Variants in NBPF11 observed in about 807,000 individuals in gnomAD.
NBPF11 encodes the protein NBPF family member NBPF11.
A neutral mutation model predicts 93.9 loss-of-function variants in NBPF11; 72 were observed. The observed-to-expected ratio is 0.77, with a 90% CI of 0.63 to 0.93. The LOEUF is 0.93. Ranked by LOEUF, NBPF11 falls within the 40% of genes least tolerant of loss-of-function variation. The probability of loss-of-function intolerance (pLI) is 0.00; values close to 1 mark genes in which losing one functional copy is unlikely to be tolerated. For missense variants in NBPF11, 705 were observed against 802.2 expected, an observed-to-expected ratio of 0.88 and a Z score of 1.46; for synonymous variants, 224 against 304.9, an observed-to-expected ratio of 0.73 and a Z score of 2.76.
At chr1:148,131,323 G>A (rs1302078721) in intron 4 of NBPF11, among the ~76,000 whole-genome samples, 5 of 151,618 alleles carry the variant, frequency 3.3e-5, no homozygotes, top group Non-Finnish European at 7.4e-5. Flanking sequence ...TTTACTGGGG[G>A]TCTGAAGAAA....
At chr1:148,135,603 G>A in intron 4 of NBPF11, 69 bp downstream of exon 4, 1 of 525,402 alleles carries the variant, frequency 1.9e-6, no homozygotes, top group South Asian at 2.1e-5. Context: ...AAAAATAAAG[G>A]ACACATCTCT....
At chr1:148,144,145 G>C (rs1257061312) in intron 1 of NBPF11, among the ~76,000 whole-genome samples, 4 of 151,300 alleles carry the variant, frequency 2.6e-5, no homozygotes, top group East Asian at 1.9e-4. Context: ...CTTTCTGTTA[G>C]GGAATTAAGA....
intron 3 of NBPF11, among the ~76,000 whole-genome samples, chr1:148,137,152 G>C (rs1297003000): frequency 6.6e-6 from 1 of 151,934 alleles, no homozygotes; most frequent in East Asian, 1.9e-4. Context: ...AAGATGGTGA[G>C]GTTACCGCAT....
intron 1 of NBPF11, among the ~76,000 whole-genome samples, chr1:148,145,244 C>T (rs1179483492): frequency 8.7e-6 from 1 of 115,282 alleles, no homozygotes; most frequent in Non-Finnish European, 1.6e-5. Context: ...CAGAGTCTTG[C>T]TCTGTCAACC....
chr1:148,129,216 G>A (rs1352125680), intron 4 of NBPF11, among the ~76,000 whole-genome samples: 4 of 140,800 alleles, frequency 2.8e-5, no homozygotes, highest in Admixed American at 1.4e-4. Flanking sequence ...ATACACACAC[G>A]AATATATATT....
chr1:148,131,500 T>C (rs1670333059), intron 4 of NBPF11, among the ~76,000 whole-genome samples: 1 of 150,834 alleles, frequency 6.6e-6, no homozygotes, highest in South Asian at 2.1e-4. Flanking sequence ...GACTTAGTTA[T>C]AGATTAAAAG....
At chr1:148,110,282 A>T (rs1232171991) in intron 16 of NBPF11, 96 bp downstream of exon 16, 6 of 1,528,758 alleles carry the variant, frequency 3.9e-6, no homozygotes, top group East Asian at 2.3e-5. Flanking sequence ...CAGTGATGGC[A>T]ACTCTCAGCC....
At chr1:148,116,648 G>T (rs113597245) in intron 12 of NBPF11, 113 bp from the exon 13 acceptor site, 9 of 593,442 alleles carry the variant, frequency 1.5e-5, no homozygotes, top group Non-Finnish European at 2.1e-5. Context: ...CCGTTCAACT[G>T]AAAACTCTCA....
chr1:148,109,101 A>C (rs1435460059), intron 17 of NBPF11, among the ~76,000 whole-genome samples, 183 bp downstream of exon 17: 1 of 151,576 alleles, frequency 6.6e-6, no homozygotes, highest in African/African-American at 2.4e-5. Flanking sequence ...GTAAATGATA[A>C]GGGTAGGAAG....
chr1:148,123,083 G>A (rs1392526927), intron 7 of NBPF11, among the ~76,000 whole-genome samples: 86 of 149,586 alleles, frequency 5.7e-4, no homozygotes, highest in South Asian at 3.5e-3. Flanking sequence ...GACTTTGGCA[G>A]CTGTCTCCCC....
chr1:148,147,054 C>A (rs1479746236), intron 1 of NBPF11: 20 of 937,840 alleles, frequency 2.1e-5, no homozygotes, highest in Non-Finnish European at 3.0e-5. Flanking sequence ...ATGCACAGGG[C>A]CAGAGAGCCG....
rs1383630353 is a variant in NBPF11, at chr1:148,147,224, C to T, written c.-548-3538G>A. On this transcript the variant is annotated intron_variant, in intron 1 of 23. Transcript: ENST00000682118. ...TCACAGGGGTGTGGATGCCACCTGG[C>T]GGGAGGGAGTGGGTGGTGGTCTGGG... 8.5e-5 allele frequency among the ~76,000 whole-genome samples: 13 copies of T among 152,152 alleles called. No individual in the cohort carries two copies. In the East Asian group the frequency reaches 1.7e-3, roughly 20 times the overall value.
intron 1 of NBPF11, chr1:148,149,044 C>T (rs1259931592): frequency 7.5e-5 from 60 of 802,804 alleles, no homozygotes; most frequent in Non-Finnish European, 1.1e-4. Flanking sequence ...GACCCACTGA[C>T]TTGGCTGAGT....
chr1:148,111,539 C>G (rs1242924556), intron 15 of NBPF11, among the ~76,000 whole-genome samples: 1 of 151,510 alleles, frequency 6.6e-6, no homozygotes, highest in African/African-American at 2.4e-5. Context: ...CCAGAATGAA[C>G]AGTGTAGAGA....
chr1:148,103,867 C>A lies in NBPF11; in HGVS notation c.*29G>T. 1 of 1,611,270 alleles carries A rather than the reference C, an allele frequency of 6.2e-7. No homozygotes were observed. Among genetic ancestry groups the A allele is most frequent in the South Asian group, 1.1e-5 (1 of 90,966 alleles). On this transcript the variant is annotated 3_prime_UTR_variant, in exon 24 of 24. Transcript: ENST00000682118. ...TCGAATAATATCTATCCAGTGAGTC[C>A]TGTAAGACTTCAGGCACTTCCACTT...
rs1266814015 is a variant in NBPF11, at chr1:148,118,608, G to T, written c.1091+12C>A. ...ACCTGCCCCCCTGCCTGCCCCCATGGGGTCCCCTCACCTGAGCTCCTCAGC... is the reference window on the plus strand; with the variant it reads ...ACCTGCCCCCCTGCCTGCCCCCATGTGGTCCCCTCACCTGAGCTCCTCAGC... On this transcript the variant is annotated intron_variant, in intron 11 of 23. Transcript: ENST00000682118. 1.9e-5 allele frequency: 30 copies of T among 1,607,458 alleles called. No homozygotes were observed. Among genetic ancestry groups the T allele is most frequent in the Non-Finnish European group, 2.1e-5 (25 of 1,175,728 alleles).
chr1:148,110,186 C>T (rs1303291519), intron 16 of NBPF11, among the ~76,000 whole-genome samples, 192 bp downstream of exon 16: 1 of 151,878 alleles, frequency 6.6e-6, no homozygotes, highest in African/African-American at 2.4e-5. Context: ...AGGAAGAGAG[C>T]AAAGCTCACT....
chr1:148,142,117 TAAA>T (rs374167407), intron 2 of NBPF11, among the ~76,000 whole-genome samples: 2 of 119,000 alleles, frequency 1.7e-5, no homozygotes, highest in Non-Finnish European at 3.5e-5. Context: ...AGGGAAAGAA[TAAA>T]GAGAGAGAGA....
At chr1:148,122,892 G>T in intron 7 of NBPF11, 91 bp from the exon 8 acceptor site, 1 of 1,603,204 alleles carries the variant, frequency 6.2e-7, no homozygotes, top group South Asian at 1.1e-5. Flanking sequence ...GAATATCTAT[G>T]TATGGTTCAG....
Sources: gnomAD v4.1 joint callset for allele counts (sites outside exome capture counted in the v4.1 genomes callset) on GRCh38, gnomAD v4.1.1 for gene constraint, MANE v1.5 for transcripts, NCBI Gene and HGNC (gene_info 2026-07-23, HGNC 2026-07-21) for gene names.